The following CADPS2 variants were observed in gnomAD, a reference collection of about 807,000 sequenced individuals.
The protein encoded by CADPS2 is calcium-dependent secretion activator 2.
A neutral mutation model predicts 172.5 loss-of-function variants in CADPS2; 93 were observed. That is an observed-to-expected ratio of 0.54 (90% confidence interval 0.46 to 0.64). CADPS2 has a LOEUF of 0.64. Ranked by LOEUF, CADPS2 falls within the 30% of genes least tolerant of loss-of-function variation. CADPS2 has a pLI of 0.00. For missense variants in CADPS2, 1,420 were observed against 1,565.9 expected (o/e 0.91, Z 1.57); for synonymous variants, 546 against 555.2 (o/e 0.98, Z 0.23).
chr7:122,592,468 C>T (rs943794577), intron 6 of CADPS2, among the ~76,000 whole-genome samples: 1 of 151,954 alleles, frequency 6.6e-6, no homozygotes. Flanking sequence ...TACCATTTGA[C>T]CCAGCCATCC....
intron 25 of CADPS2, chr7:122,368,220 C>T (rs961249067): frequency 4.6e-5 from 7 of 152,256 alleles, no homozygotes; most frequent in African/African-American, 1.7e-4. Flanking sequence ...CCATTTTCAT[C>T]TACCTGACTT....
chr7:122,724,826 A>C (rs1423843976), intron 2 of CADPS2, among the ~76,000 whole-genome samples: 1 of 152,036 alleles, frequency 6.6e-6, no homozygotes, highest in Non-Finnish European at 1.5e-5. Flanking sequence ...ACCATTTTTG[A>C]ATCATGAACC....
At chr7:122,504,583 T>C (rs1026854433) in intron 9 of CADPS2, among the ~76,000 whole-genome samples, 1 of 152,138 alleles carries the variant, frequency 6.6e-6, no homozygotes, top group African/African-American at 2.4e-5. Flanking sequence ...CTTTTATTTT[T>C]AGAGACAGGA....
chr7:122,384,824 T>TTG (rs145084591), intron 24 of CADPS2, among the ~76,000 whole-genome samples: 7 of 151,812 alleles, frequency 4.6e-5, no homozygotes, highest in East Asian at 3.9e-4. Context: ...TGTTCATCAT[T>TTG]TGTGTGTGTG....
intron 20 of CADPS2, among the ~76,000 whole-genome samples, chr7:122,399,844 G>A (rs1349837722): frequency 2.0e-5 from 3 of 150,712 alleles, no homozygotes; most frequent in African/African-American, 4.9e-5. Flanking sequence ...CCGCCACTAC[G>A]CCCGGCTAAC....
intron 6 of CADPS2, among the ~76,000 whole-genome samples, chr7:122,601,030 GGTTAA>G (rs2133471490): frequency 6.6e-6 from 1 of 152,096 alleles, no homozygotes; most frequent in African/African-American, 2.4e-5. Context: ...GATAATGATA[GGTTAA>G]GTTTTTACAT....
chr7:122,876,204 C>A (rs1207039233), intron 1 of CADPS2, among the ~76,000 whole-genome samples: 1 of 152,104 alleles, frequency 6.6e-6, no homozygotes, highest in African/African-American at 2.4e-5. Context: ...CCTGTAATCC[C>A]AGCTACTTGG....
chr7:122,625,051 TTA>T (rs1273379536), intron 4 of CADPS2, among the ~76,000 whole-genome samples: 4 of 60,378 alleles, frequency 6.6e-5, no homozygotes, highest in South Asian at 9.5e-4. Context: ...TGATGATTAA[TTA>T]TTTTTTTTTT....
intron 15 of CADPS2, among the ~76,000 whole-genome samples, chr7:122,444,010 T>C (rs746012835): frequency 2.8e-4 from 43 of 152,104 alleles, no homozygotes; most frequent in Non-Finnish European, 5.0e-4. Flanking sequence ...AACTACTCAT[T>C]TCCTTGCTAT....
intron 2 of CADPS2, among the ~76,000 whole-genome samples, chr7:122,667,113 G>C (rs1276190801): frequency 6.6e-6 from 1 of 152,090 alleles, no homozygotes; most frequent in African/African-American, 2.4e-5. Context: ...TGTGTTCTCT[G>C]TCTTCACAGT....
chr7:122,720,597 T>C (rs931939385), intron 2 of CADPS2, among the ~76,000 whole-genome samples: 9 of 151,292 alleles, frequency 5.9e-5, no homozygotes, highest in Admixed American at 1.3e-4. Context: ...TGTATATACA[T>C]ACATATATAC....
chr7:122,595,225 C>T (rs1002283102), intron 6 of CADPS2, among the ~76,000 whole-genome samples: 1 of 151,290 alleles, frequency 6.6e-6, no homozygotes, highest in African/African-American at 2.4e-5. Context: ...ATAAAAAGTA[C>T]TAGAGAAATT....
rs193095561 is a variant in CADPS2 at position 122,573,698 on chromosome 7, C to A, written c.1335+7481G>T. Among the ~76,000 whole-genome samples, 446 of 152,104 alleles carry A rather than the reference C, an allele frequency of 2.9e-3. 2 individuals carry two copies. The highest frequency in any genetic ancestry group is 3.9e-3 in the Non-Finnish European group (264 of 67,972). ...TACCATTCAACAAACTAAATAGTTA[C>A]CAGGAATATATTACACAGTAATTCA... On this transcript the variant is annotated intron_variant, in intron 7 of 29. Transcript: ENST00000449022.
intron 8 of CADPS2, among the ~76,000 whole-genome samples, chr7:122,515,548 CAG>C (rs1289866594): frequency 6.6e-6 from 1 of 152,142 alleles, no homozygotes; most frequent in African/African-American, 2.4e-5. Flanking sequence ...CTTGGAGCCA[CAG>C]AGAGCATCTG....
chr7:122,386,275 G>GA (rs753945544), intron 24 of CADPS2: 3,037 of 1,345,604 alleles, frequency 2.3e-3, no homozygotes, highest in South Asian at 3.6e-3. Context: ...TGTGCTTTTA[G>GA]AAAAAAAAAT....
At chr7:122,687,651 A>G (rs1564066810) in intron 2 of CADPS2, among the ~76,000 whole-genome samples, 1 of 152,212 alleles carries the variant, frequency 6.6e-6, no homozygotes, top group Non-Finnish European at 1.5e-5. Context: ...CTTGTGTATT[A>G]TAGCTAAGAT....
chr7:122,512,221 G>C (rs963861038), intron 9 of CADPS2, among the ~76,000 whole-genome samples: 20 of 152,030 alleles, frequency 1.3e-4, no homozygotes, highest in African/African-American at 4.8e-4. Context: ...AGCAATTGAT[G>C]GATGGCTGTA....
At chr7:122,681,625 C>G in intron 2 of CADPS2, 1 of 1,469,296 alleles carries the variant, frequency 6.8e-7, no homozygotes, top group African/African-American at 1.4e-5. Flanking sequence ...TTTAGACCTG[C>G]GGGTGCTGCC....
intron 7 of CADPS2, among the ~76,000 whole-genome samples, chr7:122,578,136 G>C (rs1000033100): frequency 6.0e-5 from 9 of 150,156 alleles, no homozygotes; most frequent in African/African-American, 9.8e-5. Flanking sequence ...ATATACTTTT[G>C]TATATACTTA....
Sources: gnomAD v4.1 joint callset for allele counts (sites outside exome capture counted in the v4.1 genomes callset) on GRCh38, gnomAD v4.1.1 for gene constraint, MANE v1.5 for transcripts, NCBI Gene and HGNC (gene_info 2026-07-23, HGNC 2026-07-21) for gene names.